Variants in MAML2 observed in about 807,000 individuals in gnomAD.
MAML2 encodes the protein mastermind like transcriptional coactivator 2, also known as mastermind-like protein 2.
Under a neutral mutation model 96.1 loss-of-function variants are expected in MAML2, and 22 were observed. The ratio of observed to expected loss-of-function variants is 0.23; its 90% CI spans 0.16 to 0.33. The LOEUF (loss-of-function observed/expected upper bound fraction) is 0.33, where lower values mean the gene tolerates loss of function less well. Ranked by LOEUF, MAML2 falls within the 10% of genes least tolerant of loss-of-function variation. The pLI is 1.00. For synonymous variants in MAML2, 561 were observed against 521.3 expected (o/e 1.08, Z -1.04); for missense variants, 1,367 against 1,392.4 (o/e 0.98, Z 0.29).
chr11:96,285,154 C>T (rs889966814), intron 1 of MAML2, among the ~76,000 whole-genome samples: 3 of 151,488 alleles, frequency 2.0e-5, no homozygotes, highest in Admixed American at 2.0e-4. Context: ...ACATGACTCT[C>T]TTCTCTTAAC....
intron 1 of MAML2, among the ~76,000 whole-genome samples, chr11:96,177,183 A>G (rs1861400095): frequency 6.6e-6 from 1 of 152,124 alleles, no homozygotes; most frequent in Non-Finnish European, 1.5e-5. Context: ...GTCACCCCCA[A>G]ACTGCATGGT....
At chr11:96,238,026 A>G (rs901356749) in intron 1 of MAML2, among the ~76,000 whole-genome samples, 6 of 152,256 alleles carry the variant, frequency 3.9e-5, no homozygotes, top group Non-Finnish European at 7.3e-5. Flanking sequence ...CCACCAAATT[A>G]GTACTTAAGT....
At position 96,092,286 on chromosome 11, in the gene MAML2, G is replaced by A. The variant is rs919540104; in HGVS notation, c.1745C>T (p.Ser582Phe). 6.4e-7 allele frequency: 1 copy of A among 1,563,222 alleles called. No homozygotes were observed. Among genetic ancestry groups the A allele is most frequent in the African/African-American group, 1.4e-5 (1 of 73,424 alleles). Residue 582 changes from serine (S) to phenylalanine (F), a missense_variant, in exon 2 of 5, where the codon TCT (serine) becomes TTT (phenylalanine). By Grantham distance (155) the Ser-to-Phe change is radical. Transcript: ENST00000524717. This position sits in a 1 kb window ranked among gnomAD's most constrained non-coding sequence, Gnocchi z 4.1. ...TTGCTGTTGGGTGTAGTGTAGGAGA[G>A]AAGGCTTGTTCTGGGAAGGCAAAAC... is the stretch of plus-strand genomic sequence containing the variant. ...PSVLPSQNKP[S>F]LLHYTQQQQQ...
intron 1 of MAML2, among the ~76,000 whole-genome samples, chr11:96,157,595 A>C (rs1197803045): frequency 6.6e-6 from 1 of 152,254 alleles, no homozygotes; most frequent in Non-Finnish European, 1.5e-5. Flanking sequence ...ATAACTGATA[A>C]GTATCTCTTA....
At chr11:96,300,230 G>A (rs1159105661) in intron 1 of MAML2, among the ~76,000 whole-genome samples, 1 of 152,162 alleles carries the variant, frequency 6.6e-6, no homozygotes, top group Non-Finnish European at 1.5e-5. Context: ...AAACTGGGAT[G>A]TCATGAAAGA....
At chr11:96,236,697 TA>T (rs1308441437) in intron 1 of MAML2, among the ~76,000 whole-genome samples, 4 of 152,266 alleles carry the variant, frequency 2.6e-5, no homozygotes, top group Non-Finnish European at 5.9e-5. Flanking sequence ...GAATATATAT[TA>T]ACATATAACA....
At chr11:96,028,474 G>A (rs1028100641) in intron 2 of MAML2, among the ~76,000 whole-genome samples, 1 of 152,108 alleles carries the variant, frequency 6.6e-6, no homozygotes, top group Non-Finnish European at 1.5e-5. Flanking sequence ...ACACTCATCA[G>A]GCTTTTTTCC....
chr11:95,985,374 A>C lies in MAML2; in HGVS notation c.2455+157T>G, dbSNP rs143051103. Among the ~76,000 whole-genome samples, 165 of 152,382 alleles carry C rather than the reference A, an allele frequency of 1.1e-3. 2 individuals carry two copies. The East Asian group carries it at 0.028, about 26-fold the overall frequency. On this transcript the variant is annotated intron_variant, in intron 4 of 4. Transcript: ENST00000524717. ...AAGCAAAAACTGATGAAAGGACTAA[A>C]AAATATTTAACTGTAGTCTTGGCAT...
At chr11:96,322,399 T>C (rs1863715570) in intron 1 of MAML2, among the ~76,000 whole-genome samples, 1 of 152,138 alleles carries the variant, frequency 6.6e-6, no homozygotes, top group African/African-American at 2.4e-5. Context: ...TGACTGCCTT[T>C]TAGAAAAGAA....
At chr11:96,018,623 G>C (rs1419541683) in intron 2 of MAML2, among the ~76,000 whole-genome samples, 1 of 152,216 alleles carries the variant, frequency 6.6e-6, no homozygotes, top group Non-Finnish European at 1.5e-5. Context: ...TTCCTGATAA[G>C]TCAAGCTCCG....
At chr11:96,057,679 A>C (rs2135774735) in intron 2 of MAML2, among the ~76,000 whole-genome samples, 1 of 152,206 alleles carries the variant, frequency 6.6e-6, no homozygotes, top group East Asian at 1.9e-4. Context: ...CACTTCATCT[A>C]TTTGGCTTTG....
At chr11:95,995,800 C>A (rs1857980420) in intron 2 of MAML2, among the ~76,000 whole-genome samples, 1 of 152,130 alleles carries the variant, frequency 6.6e-6, no homozygotes, top group Non-Finnish European at 1.5e-5. Context: ...TTCCTCACTT[C>A]TATCATTTGC....
intron 2 of MAML2, among the ~76,000 whole-genome samples, chr11:96,016,044 G>A (rs562753060): frequency 2.6e-5 from 4 of 152,144 alleles, no homozygotes; most frequent in South Asian, 2.1e-4. Flanking sequence ...TCATCAGGTC[G>A]CTTCTAAAGT....
intron 1 of MAML2, among the ~76,000 whole-genome samples, chr11:96,301,882 A>G (rs1591122377): frequency 6.6e-6 from 1 of 152,218 alleles, no homozygotes; most frequent in South Asian, 2.1e-4. Flanking sequence ...AATTAGTATT[A>G]CCTGCCAATA....
chr11:96,042,428 C>G (rs1027359307), intron 2 of MAML2, among the ~76,000 whole-genome samples: 2 of 152,134 alleles, frequency 1.3e-5, no homozygotes, highest in Non-Finnish European at 2.9e-5. Context: ...GCTGCCTTCT[C>G]TTTTTTCTCA....
At chr11:96,126,461 C>T (rs1396916616) in intron 1 of MAML2, among the ~76,000 whole-genome samples, 1 of 152,020 alleles carries the variant, frequency 6.6e-6, no homozygotes, top group Admixed American at 6.6e-5. Flanking sequence ...ACTTGGGAGG[C>T]TGAGACAAGA....
intron 1 of MAML2, among the ~76,000 whole-genome samples, chr11:96,144,495 T>C (rs74631261): frequency 0.01 from 1,550 of 152,262 alleles, 18 homozygotes; most frequent in Admixed American, 0.021. Context: ...CTCTTTTTCA[T>C]GGATTTAGGG....
chr11:96,168,025 T>C (rs1011330050), intron 1 of MAML2, among the ~76,000 whole-genome samples: 2 of 152,200 alleles, frequency 1.3e-5, no homozygotes, highest in Admixed American at 6.5e-5. Flanking sequence ...TAACCAAGTC[T>C]TATTCCTCTC....
chr11:96,273,860 C>T (rs919526311), intron 1 of MAML2, among the ~76,000 whole-genome samples: 2 of 152,132 alleles, frequency 1.3e-5, no homozygotes, highest in Admixed American at 1.3e-4. Context: ...CTTCATTTTT[C>T]ATATATCAAA....
Sources: gnomAD v4.1 joint callset for allele counts (sites outside exome capture counted in the v4.1 genomes callset) on GRCh38, gnomAD v4.1.1 for gene constraint, Gnocchi (gnomAD v3.1) non-coding constraint, MANE v1.5 for transcripts, NCBI Gene and HGNC (gene_info 2026-07-23, HGNC 2026-07-21) for gene names.